PRR5L: variants seen among roughly 807,000 people sequenced by gnomAD.
PRR5L encodes proline rich 5 like.
Under a neutral mutation model 36.4 loss-of-function variants are expected in PRR5L, and 21 were observed. The observed-to-expected ratio is 0.58, with a 90% confidence interval of 0.41 to 0.83. The LOEUF (loss-of-function observed/expected upper bound fraction) is 0.83, where lower values mean the gene tolerates loss of function less well. PRR5L is among the 40% of genes least tolerant of loss of function. The probability of loss-of-function intolerance (pLI) is 0.00; values close to 1 mark genes in which losing one functional copy is unlikely to be tolerated. For missense variants in PRR5L, 381 were observed against 473.3 expected (o/e 0.80, Z 1.81); for synonymous variants, 188 against 197.0 (o/e 0.95, Z 0.38).
intron 1 of PRR5L, chr11:36,297,523 G>T (rs922894263): frequency 1.3e-5 from 2 of 152,112 alleles, no homozygotes; most frequent in African/African-American, 4.8e-5. Flanking sequence ...AAATACACAG[G>T]ACTCATGGTA....
chr11:36,399,688 A>T (rs545058010), intron 1 of PRR5L, among the ~76,000 whole-genome samples: 10 of 152,376 alleles, frequency 6.6e-5, no homozygotes, highest in African/African-American at 2.4e-4. Context: ...ACCGTCAAGT[A>T]AAAAGTGACT....
intron 1 of PRR5L, among the ~76,000 whole-genome samples, chr11:36,312,941 C>A (rs967229690): frequency 2.0e-5 from 3 of 152,224 alleles, no homozygotes; most frequent in Non-Finnish European, 2.9e-5. Context: ...AGCTGCATTT[C>A]CATTCCAGCT....
intron 1 of PRR5L, among the ~76,000 whole-genome samples, chr11:36,365,468 C>T (rs1425463652): frequency 6.6e-6 from 1 of 152,144 alleles, no homozygotes; most frequent in East Asian, 1.9e-4. Flanking sequence ...TTTCCTTAAG[C>T]TGTTAATAGT....
chr11:36,396,588 G>T (rs1422653090), intron 1 of PRR5L, among the ~76,000 whole-genome samples: 9 of 152,180 alleles, frequency 5.9e-5, no homozygotes, highest in Non-Finnish European at 7.3e-5. Context: ...TTTATTTATT[G>T]AACGAGCTCT....
At chr11:36,410,501 G>A (rs1858001946) in intron 3 of PRR5L, among the ~76,000 whole-genome samples, 1 of 152,170 alleles carries the variant, frequency 6.6e-6, no homozygotes, top group South Asian at 2.1e-4. Context: ...GCAAAGCTCT[G>A]AGCATCGATC....
At chr11:36,360,909 G>A (rs757496536) in intron 1 of PRR5L, among the ~76,000 whole-genome samples, 6 of 152,178 alleles carry the variant, frequency 3.9e-5, no homozygotes, top group African/African-American at 1.4e-4. Flanking sequence ...AGCAGTTCTC[G>A]ACATGTGGTC....
chr11:36,411,919 C>T (rs1454851959), intron 3 of PRR5L, among the ~76,000 whole-genome samples: 1 of 152,180 alleles, frequency 6.6e-6, no homozygotes, highest in Non-Finnish European at 1.5e-5. Context: ...GTTTTCAAGA[C>T]CCAGGGCTTC....
chr11:36,335,089 A>T (rs1856755574), intron 1 of PRR5L, among the ~76,000 whole-genome samples: 1 of 147,816 alleles, frequency 6.8e-6, no homozygotes, highest in South Asian at 2.1e-4. Flanking sequence ...TTGAGTGGAG[A>T]TTTTTTTTTT....
chr11:36,380,310 C>T (rs1367301990), intron 1 of PRR5L, among the ~76,000 whole-genome samples: 1 of 152,138 alleles, frequency 6.6e-6, no homozygotes, highest in African/African-American at 2.4e-5. Flanking sequence ...TGTCGCATTG[C>T]AGAACACACT....
At chr11:36,341,783 C>G (rs190714203) in intron 1 of PRR5L, among the ~76,000 whole-genome samples, 1 of 152,314 alleles carries the variant, frequency 6.6e-6, no homozygotes, top group East Asian at 1.9e-4. Flanking sequence ...TCGTTGGGCT[C>G]TGTGGTGTTT....
At chr11:36,423,142 G>A (rs1476059848) in intron 4 of PRR5L, among the ~76,000 whole-genome samples, 1 of 152,142 alleles carries the variant, frequency 6.6e-6, no homozygotes, top group Non-Finnish European at 1.5e-5. Context: ...GCTAGAGTCA[G>A]TGGCTTTGAA....
intron 3 of PRR5L, among the ~76,000 whole-genome samples, chr11:36,404,071 T>C (rs758560506): frequency 3.3e-5 from 5 of 152,218 alleles, no homozygotes; most frequent in Admixed American, 6.5e-5. Flanking sequence ...AGGGCTCCAG[T>C]TGGTAGAAAC....
At chr11:36,437,318 C>T in intron 5 of PRR5L, 67 bp from the exon 6 acceptor site, 5 of 1,059,164 alleles carry the variant, frequency 4.7e-6, no homozygotes, top group East Asian at 2.4e-5. Flanking sequence ...GTCTTCTGGC[C>T]TCTCCTACAA....
chr11:36,324,495 C>T (rs1446684455), intron 1 of PRR5L, among the ~76,000 whole-genome samples: 1 of 151,970 alleles, frequency 6.6e-6, no homozygotes, highest in Non-Finnish European at 1.5e-5. Context: ...GTAGAAAAAC[C>T]ACTAGGTTGG....
chr11:36,321,374 C>G (rs981721235), intron 1 of PRR5L: 1 of 152,156 alleles, frequency 6.6e-6, no homozygotes, highest in Non-Finnish European at 1.5e-5. Context: ...AGTAAAGGGG[C>G]TCTCTCAGTA....
At chr11:36,342,625 C>T (rs936320022) in intron 1 of PRR5L, among the ~76,000 whole-genome samples, 3 of 152,126 alleles carry the variant, frequency 2.0e-5, no homozygotes, top group African/African-American at 7.2e-5. Context: ...TCTCAGAACA[C>T]CCAAGCAGGC....
chr11:36,454,365 G>C (rs560917290), intron 8 of PRR5L, among the ~76,000 whole-genome samples: 2 of 152,166 alleles, frequency 1.3e-5, no homozygotes, highest in Non-Finnish European at 2.9e-5. Flanking sequence ...TCCAGATAAA[G>C]AGAGGTCTCT....
chr11:36,357,542 A>G (rs1857040486), intron 1 of PRR5L, among the ~76,000 whole-genome samples: 2 of 152,304 alleles, frequency 1.3e-5, no homozygotes, highest in South Asian at 4.1e-4. Flanking sequence ...CTTTAAGTTG[A>G]AGTCAGTCCT....
rs566418882 is a variant in PRR5L, at chr11:36,318,399, C to T, written c.-126+21961C>T. Among the ~76,000 whole-genome samples the T allele has an allele frequency of 2.0e-5, 3 of 152,266 alleles. No individual in the cohort carries two copies. The South Asian group carries it at 6.2e-4, about 32-fold the overall frequency. On this transcript the variant is annotated intron_variant, in intron 1 of 8. Transcript: ENST00000530639. ...TTGTAACACTTCCCACTAATATCTA[C>T]TAGTTGCGAACCATTGGATTCATTG...
Sources: allele counts gnomAD v4.1 joint callset (sites outside exome capture counted in the v4.1 genomes callset), GRCh38; gene constraint gnomAD v4.1.1; transcripts MANE v1.5; gene names NCBI Gene and HGNC (gene_info 2026-07-23, HGNC 2026-07-21).